Variants in ZDHHC5 observed in about 807,000 individuals in gnomAD.
ZDHHC5 encodes palmitoyltransferase ZDHHC5.
In ZDHHC5, 22 loss-of-function variants were observed where a neutral mutation model predicts 70.0. The ratio of observed to expected loss-of-function variants is 0.31; its 90% CI spans 0.22 to 0.45. ZDHHC5 has a LOEUF of 0.45. ZDHHC5 is among the 20% of genes least tolerant of loss of function. The pLI, the probability that ZDHHC5 is intolerant of heterozygous loss-of-function variation, is 1.00. For missense variants in ZDHHC5, 746 were observed against 926.9 expected, an observed-to-expected ratio of 0.80 and a Z score of 2.53; for synonymous variants, 313 against 347.8, an observed-to-expected ratio of 0.90 and a Z score of 1.11.
At chr11:57,675,119 T>C (rs1946054634) in intron 2 of ZDHHC5, among the ~76,000 whole-genome samples, 1 of 152,232 alleles carries the variant, frequency 6.6e-6, no homozygotes, top group Non-Finnish European at 1.5e-5. Context: ...ATTTATATTA[T>C]ATCTTAGTAT....
intron 2 of ZDHHC5, among the ~76,000 whole-genome samples, chr11:57,677,020 C>T (rs948415687): frequency 7.8e-5 from 11 of 140,680 alleles, no homozygotes; most frequent in African/African-American, 1.1e-4. Flanking sequence ...CTCCTGGGTT[C>T]ATGCCATTCT....
At position 57,695,969 on chromosome 11, in the gene ZDHHC5, C is replaced by G. The variant is rs779602654; in HGVS notation, c.935C>G (p.Pro312Arg). 1 of 1,614,128 alleles carries G rather than the reference C, an allele frequency of 6.2e-7. No individual in the cohort carries two copies. The highest frequency in any genetic ancestry group is 8.5e-7 in the Non-Finnish European group (1 of 1,180,034). ...GAGAGCCAGTCTGCAGATGCTGAAC[C>G]TCCACCTCCTCCTAAGCCAGACCTG... is the stretch of plus-strand genomic sequence containing the variant. ...ITESQSADAE[P>R]PPPPKPDLSR... The change falls in exon 9 of 12, where the codon CCT (proline) becomes CGT (arginine). Residue 312 changes from proline to arginine, a missense_variant. Pro to Arg is a moderately radical substitution (Grantham distance 103). Around this residue, in one of 6 missense-constraint regions of ZDHHC5, gnomAD observed 179 missense variants for 178.4 expected, o/e 1.00. Coordinates refer to ENST00000287169, the MANE Select transcript of ZDHHC5 (RefSeq NM_015457.3).
At position 57,690,015 on chromosome 11, in the gene ZDHHC5, C is replaced by G. The variant is rs773592261; in HGVS notation, c.385-16C>G. The stretch of plus-strand genomic sequence containing the variant: ...TGGTCCAGGGATGCCTCTCATCTGT[C>G]TCTCTTTGTCCCTAGGAATTTGATC... On this transcript the variant is annotated splice_polypyrimidine_tract_variant and intron_variant, in intron 4 of 11. Coordinates refer to ENST00000287169, the MANE Select transcript of ZDHHC5 (RefSeq NM_015457.3). 3 of 1,613,252 alleles carry G rather than the reference C, an allele frequency of 1.9e-6. No individual in the cohort carries two copies. The highest frequency in any genetic ancestry group is 2.2e-5 in the South Asian group (2 of 91,022).
Position 57,682,531 on chromosome 11 carries a change from A to G in ZDHHC5, c.214A>G (p.Ile72Val), listed in dbSNP as rs1186566239. Reference sequence around the variant, plus strand: ...CATGGCCACCTTCATGGACCCAGGGATTTTCCCTCGAGGTAAGATCTGCTT... The same window carrying G: ...CATGGCCACCTTCATGGACCCAGGGGTTTTCCCTCGAGGTAAGATCTGCTT... Reference protein sequence around the residue: ...FSMATFMDPGIFPRAEEDEDK... With the variant: ...FSMATFMDPGVFPRAEEDEDK... Residue 72 changes from isoleucine to valine, a missense_variant, in exon 3 of 12, where the codon ATT becomes GTT. Ile to Val is a conservative substitution (Grantham distance 29). Transcript: ENST00000287169. 1.9e-6 allele frequency: 3 copies of G among 1,613,794 alleles called. No individual in the cohort carries two copies. Among genetic ancestry groups the G allele is most frequent in the African/African-American group, 2.7e-5 (2 of 74,854 alleles).
chr11:57,696,992 T>C, intron 10 of ZDHHC5, 119 bp downstream of exon 10: 6 of 1,011,128 alleles, frequency 5.9e-6, no homozygotes, highest in Non-Finnish European at 8.9e-6. Context: ...GTCAAGAGAT[T>C]GAGACCGTCC....
rs1047114764 is a variant in ZDHHC5, at chr11:57,672,979, G to C, written c.-112G>C. On this transcript the variant is annotated 5_prime_UTR_variant, in exon 2 of 12. Transcript: ENST00000287169. ...GGTGATAAAGTTTTCTGTTTCCCTG[G>C]TTTTCTTTTGTACTCCTCTCTGTTG... 2.4e-5 allele frequency: 23 copies of C among 948,868 alleles called. No individual in the cohort carries two copies. The highest frequency in any genetic ancestry group is 3.6e-5 in the Non-Finnish European group (22 of 619,314). The allele number at this position is 948,868 out of a possible 1,614,324, so 58.8% of individuals were successfully genotyped here.
intron 6 of ZDHHC5, among the ~76,000 whole-genome samples, chr11:57,692,060 T>C (rs1007388779): frequency 6.6e-6 from 1 of 152,034 alleles, no homozygotes; most frequent in African/African-American, 2.4e-5. Flanking sequence ...TGGAGCCCAC[T>C]GGCTGGGGCG....
intron 2 of ZDHHC5, among the ~76,000 whole-genome samples, chr11:57,679,003 A>G (rs1024789640): frequency 6.6e-6 from 1 of 152,190 alleles, no homozygotes; most frequent in Admixed American, 6.5e-5. Flanking sequence ...AGGCAGGATT[A>G]AAATCCAAAG....
intron 8 of ZDHHC5, among the ~76,000 whole-genome samples, chr11:57,694,655 C>T (rs1023705676): frequency 2.6e-5 from 4 of 152,220 alleles, no homozygotes; most frequent in Non-Finnish European, 4.4e-5. Context: ...AGCCACTGCA[C>T]CCGGCCCTAC....
chr11:57,692,401 C>T (rs555916069), intron 6 of ZDHHC5, among the ~76,000 whole-genome samples: 2 of 152,262 alleles, frequency 1.3e-5, no homozygotes, highest in South Asian at 4.1e-4. Flanking sequence ...GGTTTTGGGT[C>T]AGCAACCATG....
intron 8 of ZDHHC5, among the ~76,000 whole-genome samples, chr11:57,695,307 C>G (rs548048782): frequency 1.1e-4 from 17 of 152,130 alleles, no homozygotes; most frequent in Admixed American, 9.8e-4. Flanking sequence ...GTAATCCTAG[C>G]TGCTTGGGAG....
chr11:57,668,370 A>G (rs1202634822), intron 1 of ZDHHC5, 183 bp downstream of exon 1: 1 of 171,010 alleles, frequency 5.8e-6, no homozygotes, highest in African/African-American at 2.4e-5. Flanking sequence ...GACGACGAGT[A>G]GAGGCCGGGG....
intron 8 of ZDHHC5, among the ~76,000 whole-genome samples, chr11:57,695,113 T>A (rs572600745): frequency 6.6e-6 from 1 of 152,120 alleles, no homozygotes; most frequent in East Asian, 1.9e-4. Flanking sequence ...AAATACAAAA[T>A]TAGCTGGGCA....
At chr11:57,683,606 T>C (rs1364187020) in intron 3 of ZDHHC5, among the ~76,000 whole-genome samples, 1 of 152,220 alleles carries the variant, frequency 6.6e-6, no homozygotes, top group African/African-American at 2.4e-5. Context: ...GAATTTGATA[T>C]ACTTGAATCA....
chr11:57,698,008 G>A lies in ZDHHC5; in HGVS notation c.1123-551G>A, dbSNP rs563340301. 1.2e-4 allele frequency among the ~76,000 whole-genome samples: 18 copies of A among 150,884 alleles called. 1 individual carries two copies. Among genetic ancestry groups the A allele is most frequent in the East Asian group, 4.0e-4 (2 of 5,046 alleles). On this transcript the variant is annotated intron_variant, in intron 10 of 11. Transcript: ENST00000287169. The stretch of plus-strand genomic sequence containing the variant: ...AATTAGCTGGGCGTGGTGGCGGGGC[G>A]CCTGTAATCCCAGCTACTCGGGAAG...
chr11:57,700,720 A>T lies in ZDHHC5; in HGVS notation c.*689A>T, dbSNP rs995117232. On this transcript the variant is annotated 3_prime_UTR_variant, in exon 12 of 12. Transcript: ENST00000287169. ...AGAGGAGAATTAGTTTTCTAGGCTC[A>T]TTGGCATTTAGTTTCCCTAGGAAAG... is the stretch of plus-strand genomic sequence containing the variant. The T allele has an allele frequency of 6.6e-6, 1 of 152,600 alleles. No individual in the cohort carries two copies. The highest frequency in any genetic ancestry group is 1.5e-5 in the Non-Finnish European group (1 of 68,040). 9.5% of individuals were successfully genotyped at this position (152,600 alleles called of 1,614,324 possible).
chr11:57,678,847 C>T (rs1946108897), intron 2 of ZDHHC5, among the ~76,000 whole-genome samples: 1 of 152,062 alleles, frequency 6.6e-6, no homozygotes, highest in African/African-American at 2.4e-5. Context: ...CAGAGCGAGA[C>T]CCTGTCTCAA....
At chr11:57,692,869 A>G (rs17152045) in intron 7 of ZDHHC5, among the ~76,000 whole-genome samples, 167 bp downstream of exon 7, 2,156 of 152,266 alleles carry the variant, frequency 0.014, 58 homozygotes, top group African/African-American at 0.05. Context: ...CTATCTTAGA[A>G]TGGTAAGTAC....
intron 2 of ZDHHC5, among the ~76,000 whole-genome samples, chr11:57,673,987 A>G (rs946976081): frequency 1.3e-5 from 2 of 152,212 alleles, no homozygotes; most frequent in Non-Finnish European, 2.9e-5. Context: ...AAGATACACC[A>G]ATGAGAGAGT....
Sources: allele counts gnomAD v4.1 joint callset (sites outside exome capture counted in the v4.1 genomes callset), GRCh38; gene constraint gnomAD v4.1.1; regional missense constraint gnomAD v4.1.1; transcripts MANE v1.5; gene names NCBI Gene and HGNC (gene_info 2026-07-23, HGNC 2026-07-21).